NCOA2: variants seen among roughly 807,000 people sequenced by gnomAD.
NCOA2 encodes nuclear receptor coactivator 2.
In NCOA2, 21 loss-of-function variants were observed where a neutral mutation model predicts 145.1. The observed-to-expected ratio is 0.14, with a 90% confidence interval of 0.10 to 0.21. The LOEUF (loss-of-function observed/expected upper bound fraction) is 0.21. Ranked by LOEUF, NCOA2 falls within the 10% of genes least tolerant of loss-of-function variation. The pLI is 1.00. For missense variants in NCOA2, 1,472 were observed against 1,837.6 expected (o/e 0.80, Z 3.64); for synonymous variants, 619 against 637.5 (o/e 0.97, Z 0.44).
At chr8:70,213,632 T>G (rs1205178023) in intron 4 of NCOA2, among the ~76,000 whole-genome samples, 1 of 152,170 alleles carries the variant, frequency 6.6e-6, no homozygotes, top group African/African-American at 2.4e-5. Flanking sequence ...GGAGGAGAAT[T>G]GTGGGCACCT....
chr8:70,140,512 T>C (rs1318908625), intron 14 of NCOA2, among the ~76,000 whole-genome samples: 1 of 151,380 alleles, frequency 6.6e-6, no homozygotes, highest in African/African-American at 2.4e-5. Flanking sequence ...GTCTAGGTGG[T>C]GGCCCAGGAA....
the NCOA2 span, among the ~76,000 whole-genome samples, chr8:70,454,326 G>C: frequency 1.3e-5 from 2 of 152,176 alleles, no homozygotes. Context: ...GCTCTGAACT[G>C]TTCTTGAGAA....
chr8:70,179,771 T>C (rs1471058796), intron 4 of NCOA2, among the ~76,000 whole-genome samples: 1 of 152,188 alleles, frequency 6.6e-6, no homozygotes, highest in Non-Finnish European at 1.5e-5. Context: ...GAGTTTCATA[T>C]GATCAAAACC....
intron 1 of NCOA2, among the ~76,000 whole-genome samples, chr8:70,375,609 G>A (rs13255359): frequency 0.11 from 15,987 of 152,198 alleles, 1,285 homozygotes; most frequent in East Asian, 0.41. Flanking sequence ...TCACTGTAAT[G>A]TTGCTACTGG....
intron 1 of NCOA2, among the ~76,000 whole-genome samples, chr8:70,348,541 C>T (rs1808883081): frequency 6.6e-6 from 1 of 152,052 alleles, no homozygotes; most frequent in African/African-American, 2.4e-5. Context: ...TTACAGTAGT[C>T]CAGGTACAAA....
At chr8:70,450,134 G>T in the NCOA2 span, among the ~76,000 whole-genome samples, 1 of 152,214 alleles carries the variant, frequency 6.6e-6, no homozygotes, top group Non-Finnish European at 1.5e-5. Context: ...CAGCATAGGA[G>T]CATACAAGGG....
intron 10 of NCOA2, among the ~76,000 whole-genome samples, chr8:70,157,971 G>A (rs1047679564): frequency 6.6e-6 from 1 of 152,180 alleles, no homozygotes; most frequent in Non-Finnish European, 1.5e-5. Context: ...ACTAAAAGCA[G>A]GCTTTCTGAG....
intron 4 of NCOA2, among the ~76,000 whole-genome samples, chr8:70,188,218 A>G (rs1364023224): frequency 6.6e-6 from 1 of 152,206 alleles, no homozygotes; most frequent in East Asian, 1.9e-4. Context: ...ACTGTCTTAG[A>G]TTTGCTTTTT....
At chr8:70,180,070 C>T (rs1219811019) in intron 4 of NCOA2, among the ~76,000 whole-genome samples, 1 of 152,194 alleles carries the variant, frequency 6.6e-6, no homozygotes, top group Non-Finnish European at 1.5e-5. Flanking sequence ...CATGAACCAC[C>T]ATGCCCAATC....
chr8:70,186,859 C>G (rs4512408), intron 4 of NCOA2, among the ~76,000 whole-genome samples: 2 of 152,144 alleles, frequency 1.3e-5, no homozygotes, highest in African/African-American at 4.8e-5. Context: ...TTAACATCTT[C>G]ATTAACACCT....
At chr8:70,367,286 A>T (rs1026549091) in intron 1 of NCOA2, among the ~76,000 whole-genome samples, 2 of 152,232 alleles carry the variant, frequency 1.3e-5, no homozygotes, top group Admixed American at 1.3e-4. Context: ...AAAGACACTG[A>T]ATACTGTTTT....
intron 1 of NCOA2, among the ~76,000 whole-genome samples, chr8:70,361,954 A>T (rs1299352726): frequency 6.6e-6 from 1 of 152,260 alleles, no homozygotes; most frequent in East Asian, 1.9e-4. Context: ...TCTAGTTTTG[A>T]CAAGCCGTAT....
intron 1 of NCOA2, among the ~76,000 whole-genome samples, chr8:70,297,886 A>C (rs1296404871): frequency 6.6e-6 from 1 of 152,224 alleles, no homozygotes; most frequent in Non-Finnish European, 1.5e-5. Context: ...GAAAACAAGA[A>C]GTATGTGCTT....
At chr8:70,403,857 C>CCTCCTCCTT (rs1814623482), upstream of NCOA2, 1 of 385,390 alleles carries the variant, frequency 2.6e-6, no homozygotes, top group Non-Finnish European at 4.6e-6. Context: ...CCCTCCTCCT[C>CCTCCTCCTT]CTCCTCCTCC....
chr8:70,398,911 A>C (rs1813951079), intron 1 of NCOA2, among the ~76,000 whole-genome samples: 2 of 152,222 alleles, frequency 1.3e-5, no homozygotes, highest in Admixed American at 6.5e-5. Context: ...TTGCCCTAAA[A>C]GCTAACAGTA....
chr8:70,202,592 C>T (rs76352436), intron 4 of NCOA2, among the ~76,000 whole-genome samples: 3,053 of 152,236 alleles, frequency 0.02, 122 homozygotes, highest in African/African-American at 0.07. Flanking sequence ...ACCCCAATCA[C>T]AAAAAGACAA....
chr8:70,400,347 G>A (rs1814117130), intron 1 of NCOA2, among the ~76,000 whole-genome samples: 1 of 152,116 alleles, frequency 6.6e-6, no homozygotes, highest in Admixed American at 6.5e-5. Flanking sequence ...CACAGCTGAC[G>A]ATGCACATCT....
chr8:70,405,133 G>A (rs1814708988), upstream of NCOA2, among the ~76,000 whole-genome samples: 1 of 152,232 alleles, frequency 6.6e-6, no homozygotes, highest in Non-Finnish European at 1.5e-5. Flanking sequence ...GTCACAGCCA[G>A]TAGTTGGAGA....
chr8:70,399,491 G>T (rs1182885394), intron 1 of NCOA2, among the ~76,000 whole-genome samples: 2 of 152,160 alleles, frequency 1.3e-5, no homozygotes, highest in Admixed American at 6.5e-5. Flanking sequence ...CTGATTTTAT[G>T]ATTTGCTGCA....
Sources: gnomAD v4.1 joint callset for allele counts (sites outside exome capture counted in the v4.1 genomes callset) on GRCh38, gnomAD v4.1.1 for gene constraint, MANE v1.5 for transcripts, NCBI Gene and HGNC (gene_info 2026-07-23, HGNC 2026-07-21) for gene names.